Variants in POU5F1B observed in about 807,000 individuals in gnomAD.
POU5F1B encodes POU class 5 homeobox 1B.
POU5F1B carries 24 observed loss-of-function variants against 28.1 expected under a neutral mutation model. The ratio of observed to expected loss-of-function variants is 0.85; its 90% CI spans 0.62 to 1.20. The LOEUF (loss-of-function observed/expected upper bound fraction) is 1.20. POU5F1B is among the 50% of genes most tolerant of loss of function. The probability of loss-of-function intolerance (pLI) is 0.00; values close to 1 mark genes in which losing one functional copy is unlikely to be tolerated. For synonymous variants in POU5F1B, 220 were observed against 193.2 expected, an observed-to-expected ratio of 1.14 and a Z score of -1.15; for missense variants, 451 against 451.5, an observed-to-expected ratio of 1.00 and a Z score of 0.01.
chr8:127,414,535 T>C (rs530759701), intron 1 of POU5F1B, among the ~76,000 whole-genome samples: 204 of 152,368 alleles, frequency 1.3e-3, no homozygotes, highest in African/African-American at 4.5e-3. Flanking sequence ...ATGATCATTC[T>C]CATTTTATGG....
rs78931371 is a variant in POU5F1B at position 127,417,081 on chromosome 8, G to A, written c.*135G>A. On this transcript the variant is annotated 3_prime_UTR_variant, in exon 3 of 3. Coordinates refer to ENST00000465342, the Ensembl canonical transcript of POU5F1B. ...GGAATTGGGAACACTAAGGGTGGGG[G>A]CAGGGGAGTTTGGGGCAACTGGTTG... 1,561 of 1,291,290 alleles carry A rather than the reference G, an allele frequency of 1.2e-3. 20 individuals are homozygous for A. In the African/African-American group the frequency reaches 0.02, roughly 17 times the overall value. 80.0% of individuals were successfully genotyped at this position (1,291,290 alleles called of 1,614,324 possible).
chr8:127,416,347 GGAT>G, exon 3 of POU5F1B: 1 of 1,612,174 alleles, frequency 6.2e-7, no homozygotes, highest in South Asian at 1.1e-5. Context: ...GATCACCCTG[GGAT>G]ATACACAGGC....
chr8:127,416,065 T>G, exon 3 of POU5F1B: 1 of 1,612,036 alleles, frequency 6.2e-7, no homozygotes, highest in East Asian at 2.2e-5. Context: ...CCCCCCGCCG[T>G]ATGAGTTATG....
At chr8:127,416,088 G>A (rs760863803) in exon 3 of POU5F1B, 74 of 1,612,850 alleles carry the variant, frequency 4.6e-5, no homozygotes, top group African/African-American at 1.2e-4. Context: ...GGGGGATGGC[G>A]TACTGTGGGC....
chr8:127,416,903 C>A, exon 3 of POU5F1B: 1 of 1,600,228 alleles, frequency 6.2e-7, no homozygotes, highest in Non-Finnish European at 8.5e-7. Context: ...GTCTTTCCCC[C>A]AGTCTCCGTC....
intron 1 of POU5F1B, among the ~76,000 whole-genome samples, chr8:127,413,571 T>C (rs993437910): frequency 1.3e-5 from 2 of 152,186 alleles, no homozygotes; most frequent in African/African-American, 4.8e-5. Context: ...TTGTACTACA[T>C]AGTCAAACGA....
exon 3 of POU5F1B, chr8:127,417,021 G>A (rs1211375726): frequency 3.2e-6 from 5 of 1,551,104 alleles, no homozygotes; most frequent in Admixed American, 3.9e-5. Flanking sequence ...TTTGTGGCAG[G>A]GCTTTTGGGA....
chr8:127,413,998 A>G (rs1234759940), intron 1 of POU5F1B, among the ~76,000 whole-genome samples: 1 of 152,264 alleles, frequency 6.6e-6, no homozygotes, highest in East Asian at 1.9e-4. Flanking sequence ...TTTCATGAGA[A>G]AATTACACAC....
At chr8:127,415,217 G>T (rs1353319843) in intron 2 of POU5F1B, among the ~76,000 whole-genome samples, 2 of 152,148 alleles carry the variant, frequency 1.3e-5, no homozygotes, top group South Asian at 2.1e-4. Context: ...AAGTTTTGAG[G>T]TGATCTATTA....
At chr8:127,416,214 C>T (rs775999702) in exon 3 of POU5F1B, 8 of 1,613,830 alleles carry the variant, frequency 5.0e-6, no homozygotes, top group South Asian at 1.1e-5. Context: ...AACCCTGCAC[C>T]GTCCCCCCTG....
exon 3 of POU5F1B, chr8:127,415,457 AAAG>A (rs1815117091): frequency 5.9e-6 from 1 of 168,176 alleles, no homozygotes; most frequent in Non-Finnish European, 1.3e-5. Context: ...TAAGAATCAG[AAAG>A]AAGGACACAC....
At chr8:127,416,020 G>A (rs1345486200) in exon 3 of POU5F1B, 8 of 1,601,600 alleles carry the variant, frequency 5.0e-6, no homozygotes, top group African/African-American at 2.7e-5. Context: ...GCCGGGGGTT[G>A]GGCCAGGCTC....
chr8:127,416,733 C>G, exon 3 of POU5F1B: 1 of 1,609,394 alleles, frequency 6.2e-7, no homozygotes. Flanking sequence ...GATCAAGCAG[C>G]GACTATGCAC....
chr8:127,416,493 G>A, exon 3 of POU5F1B: 2 of 1,609,604 alleles, frequency 1.2e-6, no homozygotes, highest in East Asian at 2.2e-5. Flanking sequence ...AGTGGGTGGA[G>A]GAAGCTGACA....
At chr8:127,413,981 G>C (rs1047744840) in intron 1 of POU5F1B, among the ~76,000 whole-genome samples, 1 of 152,120 alleles carries the variant, frequency 6.6e-6, no homozygotes, top group Non-Finnish European at 1.5e-5. Context: ...ATAAATAATA[G>C]CTACTGTTTC....
At chr8:127,415,435 A>C in intron 2 of POU5F1B, 1 of 159,426 alleles carries the variant, frequency 6.3e-6, no homozygotes. Context: ...TTTCCCCACA[A>C]TCTGCAGGAA....
At chr8:127,416,724 A>G in exon 3 of POU5F1B, 1 of 1,609,854 alleles carries the variant, frequency 6.2e-7, no homozygotes, top group Non-Finnish European at 8.5e-7. Flanking sequence ...AGGGCAAGCG[A>G]TCAAGCAGCG....
At chr8:127,416,188 A>G (rs753384380) in exon 3 of POU5F1B, 1 of 1,613,850 alleles carries the variant, frequency 6.2e-7, no homozygotes, top group South Asian at 1.1e-5. Context: ...GAGCAACTCC[A>G]ATGGGGCCTC....
exon 3 of POU5F1B, chr8:127,416,640 G>T (rs1391932722): frequency 1.2e-6 from 2 of 1,600,438 alleles, no homozygotes; most frequent in Non-Finnish European, 1.7e-6. Context: ...CCACACTGCA[G>T]ATCAGCCACA....
Sources: allele counts gnomAD v4.1 joint callset (sites outside exome capture counted in the v4.1 genomes callset), GRCh38; gene constraint gnomAD v4.1.1; transcripts MANE v1.5; gene names NCBI Gene and HGNC (gene_info 2026-07-23, HGNC 2026-07-21).